The following BLZF1 variants were observed in gnomAD, a reference collection of about 807,000 sequenced individuals.
BLZF1 encodes golgin-45.
Under a neutral mutation model 43.8 loss-of-function variants are expected in BLZF1, and 39 were observed. That is an observed-to-expected ratio of 0.89 (90% CI 0.69 to 1.16). The LOEUF (loss-of-function observed/expected upper bound fraction) is 1.16, where lower values mean the gene tolerates loss of function less well. BLZF1 is among the 50% of genes most tolerant of loss of function. The probability of loss-of-function intolerance (pLI) is 0.00; values close to 1 mark genes in which losing one functional copy is unlikely to be tolerated. For synonymous variants in BLZF1, 136 were observed against 159.4 expected (o/e 0.85, Z 1.11); for missense variants, 449 against 469.8 (o/e 0.96, Z 0.41).
At chr1:169,371,880 C>G (rs1448779341) in intron 2 of BLZF1, among the ~76,000 whole-genome samples, 1 of 152,098 alleles carries the variant, frequency 6.6e-6, no homozygotes, top group East Asian at 1.9e-4. Context: ...AACACTAGTT[C>G]TGTAGAATAA....
intron 2 of BLZF1, 47 bp downstream of exon 2, chr1:169,369,597 G>C: frequency 6.9e-7 from 1 of 1,446,670 alleles, no homozygotes; most frequent in Non-Finnish European, 9.7e-7. Flanking sequence ...CATTTATGAC[G>C]ATGTGAAGGA....
At chr1:169,388,520 A>G (rs1654735927), downstream of BLZF1, among the ~76,000 whole-genome samples, 1 of 152,234 alleles carries the variant, frequency 6.6e-6, no homozygotes, top group Non-Finnish European at 1.5e-5. Context: ...GAAAAAATAG[A>G]TAAATTGAAT....
At chr1:169,393,399 C>A (rs1654865059) in intron 7 of BLZF1, among the ~76,000 whole-genome samples, 1 of 151,538 alleles carries the variant, frequency 6.6e-6, no homozygotes, top group African/African-American at 2.4e-5. Flanking sequence ...ACCAGCCTGA[C>A]CAACATGGCG....
intron 1 of BLZF1, 64 bp from the exon 2 acceptor site, chr1:169,369,409 A>G (rs1218390515): frequency 8.9e-6 from 7 of 784,056 alleles, no homozygotes; most frequent in Non-Finnish European, 1.4e-5. Context: ...TAACTTTTAA[A>G]TTGGAGGTAC....
chr1:169,378,506 G>A lies in BLZF1; in HGVS notation c.645G>A (p.Trp215Ter), dbSNP rs200699684. The part of the protein sequence containing the change: ...LERMSIQCDV[W>*]RSKFLASRVM... ...GTATGTCAATACAGTGTGATGTATGGCGAAGTAAATTCCTTGCAAGCAGGT... is the reference window on the plus strand; with the variant it reads ...GTATGTCAATACAGTGTGATGTATGACGAAGTAAATTCCTTGCAAGCAGGT... The change falls in exon 4 of 7, where the codon TGG becomes TGA. Residue 215 changes from tryptophan to a stop codon, truncating the protein, a stop_gained. Transcript: ENST00000367808. LOFTEE classifies it high-confidence loss of function. 2 of 1,612,352 alleles carry A rather than the reference G, an allele frequency of 1.2e-6. No homozygotes were observed. Among genetic ancestry groups the A allele is most frequent in the Non-Finnish European group, 1.7e-6 (2 of 1,178,808 alleles).
chr1:169,370,998 CTG>C lies in BLZF1; in HGVS notation c.28+1450_28+1451del, dbSNP rs1654101931. 5.3e-5 allele frequency among the ~76,000 whole-genome samples: 8 copies of C among 152,294 alleles called. No individual in the cohort carries two copies. In the South Asian group the frequency reaches 1.7e-3, roughly 32 times the overall value. ...AGAACCATCAGTTAAAGATGGAAAA[CTG>C]TTTTCTAGATGCCAATTTTTCAGCA... On this transcript the variant is annotated intron_variant, in intron 2 of 6. Transcript: ENST00000367808.
In BLZF1 at chr1:169,378,309, A is replaced by G. The variant is rs1301566292; in HGVS notation, c.469-21A>G. On this transcript the variant is annotated intron_variant, in intron 3 of 6. Coordinates refer to ENST00000367808, the MANE Select transcript of BLZF1 (RefSeq NM_001320973.2). ...AGTGATATTACTTTGAGCTTGTTGT[A>G]TTGATTACGTTCTCTTCTAGGTAAA... 4.4e-6 allele frequency: 7 copies of G among 1,604,858 alleles called. No individual in the cohort carries two copies. In the African/African-American group the frequency reaches 5.4e-5, roughly 12 times the overall value.
chr1:169,373,481 A>G (rs1328800229), intron 2 of BLZF1, among the ~76,000 whole-genome samples: 3 of 152,190 alleles, frequency 2.0e-5, no homozygotes, highest in Non-Finnish European at 4.4e-5. Flanking sequence ...GTCACAAGGA[A>G]AAATCGAATT....
Position 169,387,447 on chromosome 1 carries a change from TAAAAGA to T in BLZF1, c.*272_*277del, listed in dbSNP as rs1392876890. The T allele has an allele frequency of 7.4e-6, 2 of 270,296 alleles. No homozygotes were observed. The highest frequency in any genetic ancestry group is 2.2e-5 in the African/African-American group (1 of 45,062). The allele number at this position is 270,296 out of a possible 1,614,324, so 16.7% of individuals were successfully genotyped here. On this transcript the variant is annotated 3_prime_UTR_variant, in exon 7 of 7. Transcript: ENST00000367808. ...ACATGATACTTTTCCTAAAAGACTC[TAAAAGA>T]AAAAGATTCTGTAACTCTCTTTTAG...
At chr1:169,384,056 A>C (rs937564421) in intron 6 of BLZF1, among the ~76,000 whole-genome samples, 7 of 151,760 alleles carry the variant, frequency 4.6e-5, no homozygotes, top group African/African-American at 1.7e-4. Flanking sequence ...TAAAAATATA[A>C]TCTCTTTTCT....
chr1:169,378,003 A>G (rs537049185), intron 3 of BLZF1, among the ~76,000 whole-genome samples: 12 of 151,998 alleles, frequency 7.9e-5, no homozygotes, highest in Non-Finnish European at 1.8e-4. Flanking sequence ...CATATTTTTT[A>G]TCAAAATATA....
At position 169,369,585 on chromosome 1, in the gene BLZF1, G is replaced by A. The variant is rs371886209; in HGVS notation, c.28+35G>A. 21 of 1,511,258 alleles carry A rather than the reference G, an allele frequency of 1.4e-5. No individual in the cohort carries two copies. In the African/African-American group the frequency reaches 2.8e-4, roughly 20 times the overall value. The allele number at this position is 1,511,258 out of a possible 1,614,324, so 93.6% of individuals were successfully genotyped here. A position where few individuals can be genotyped will look rare whatever the true frequency, so the allele number is the denominator to read the frequency against. On this transcript the variant is annotated intron_variant, in intron 2 of 6. Coordinates refer to ENST00000367808, the MANE Select transcript of BLZF1 (RefSeq NM_001320973.2). ...TTTTTTATAATTGTTTTTAAAACATGACATTTATGACGATGTGAAGGAACG... is the reference window on the plus strand; with the variant it reads ...TTTTTTATAATTGTTTTTAAAACATAACATTTATGACGATGTGAAGGAACG...
Position 169,369,554 on chromosome 1 carries a change from A to C in BLZF1, c.28+4A>C. 6.2e-7 allele frequency: 1 copy of C among 1,605,352 alleles called. No homozygotes were observed. The highest frequency in any genetic ancestry group is 8.5e-7 in the Non-Finnish European group (1 of 1,173,724). Reference sequence around the variant, plus strand: ...ACTAAAAATTTAGAAACCAAAGGTAAGTGGCTTTTTTATAATTGTTTTTAA... The same window carrying C: ...ACTAAAAATTTAGAAACCAAAGGTACGTGGCTTTTTTATAATTGTTTTTAA... On this transcript the variant is annotated splice_donor_region_variant and intron_variant, in intron 2 of 6. Coordinates refer to ENST00000367808, the MANE Select transcript of BLZF1 (RefSeq NM_001320973.2).
intron 7 of BLZF1, chr1:169,394,759 CCTTT>C: frequency 4.7e-6 from 1 of 212,552 alleles, no homozygotes; most frequent in East Asian, 1.1e-4. Flanking sequence ...GAAATCTGTA[CCTTT>C]CTTGTGTTTT....
At chr1:169,370,683 A>G (rs1174325963) in intron 2 of BLZF1, among the ~76,000 whole-genome samples, 1 of 152,196 alleles carries the variant, frequency 6.6e-6, no homozygotes, top group African/African-American at 2.4e-5. Context: ...GCCCTGCTGT[A>G]GCTGTATCTT....
chr1:169,380,647 C>T (rs755554097), intron 5 of BLZF1, 38 bp downstream of exon 5: 6 of 1,598,912 alleles, frequency 3.8e-6, no homozygotes, highest in Non-Finnish European at 5.1e-6. Flanking sequence ...CTTCTGCTTT[C>T]TCCTGCAAAT....
At chr1:169,380,661 G>C (rs746368817) in intron 5 of BLZF1, 52 bp downstream of exon 5, 6 of 1,590,748 alleles carry the variant, frequency 3.8e-6, no homozygotes, top group South Asian at 3.4e-5. Context: ...TGCAAATTAA[G>C]TTATTGTAGT....
chr1:169,394,831 G>T, intron 7 of BLZF1: 2 of 361,482 alleles, frequency 5.5e-6, no homozygotes, highest in Non-Finnish European at 9.8e-6. Context: ...TTCATTCGTT[G>T]TTCAATTTGT....
At chr1:169,386,874 G>GT in intron 6 of BLZF1, 123 bp from the exon 7 acceptor site, 3 of 642,480 alleles carry the variant, frequency 4.7e-6, no homozygotes, top group Non-Finnish European at 7.6e-6. Context: ...TAGTCATTCT[G>GT]TTTTTTTAGT....
Sources: allele counts gnomAD v4.1 joint callset (sites outside exome capture counted in the v4.1 genomes callset), GRCh38; gene constraint gnomAD v4.1.1; transcripts MANE v1.5; gene names NCBI Gene and HGNC (gene_info 2026-07-23, HGNC 2026-07-21).